Variants in VASH2 observed in about 807,000 individuals in gnomAD.
VASH2 encodes the protein tubulinyl-Tyr carboxypeptidase 2.
A neutral mutation model predicts 37.2 loss-of-function variants in VASH2; 28 were observed. That is an observed-to-expected ratio of 0.75 (90% confidence interval 0.56 to 1.03). The LOEUF is 1.03. Ranked by LOEUF, VASH2 falls within the 50% of genes least tolerant of loss-of-function variation. The pLI is 0.00. For synonymous variants in VASH2, 188 were observed against 174.7 expected (o/e 1.08, Z -0.60); for missense variants, 419 against 459.1 (o/e 0.91, Z 0.80).
chr1:212,951,396 A>AAAGGCACCCG lies in VASH2; in HGVS notation c.-147_-146insAAGGCACCCG. 2 of 288,928 alleles carry AAAGGCACCCG rather than the reference A, an allele frequency of 6.9e-6. No homozygotes were observed. The highest frequency in any genetic ancestry group is 1.0e-5 in the Non-Finnish European group (2 of 190,768). 17.9% of individuals were successfully genotyped at this position (288,928 alleles called of 1,614,324 possible). On this transcript the variant is annotated 5_prime_UTR_variant, in exon 2 of 8. Coordinates refer to ENST00000517399, the MANE Select transcript of VASH2 (RefSeq NM_001301056.2). This position sits in a 1 kb window ranked among gnomAD's most constrained non-coding sequence, Gnocchi z 4.4. Reference sequence around the variant, plus strand: ...CTCCCGCCGCCGCTCCCCCTTGGTGAGTCCTGCCGCAGCGAGAGGCATGGA... The same window carrying AAAGGCACCCG: ...CTCCCGCCGCCGCTCCCCCTTGGTGAAAGGCACCCGGTCCTGCCGCAGCGAGAGGCATGGA...
rs369702207 is a variant in VASH2, at chr1:212,972,867, T to C, written c.785T>C (p.Ile262Thr). 12 of 1,613,922 alleles carry C rather than the reference T, an allele frequency of 7.4e-6. No individual in the cohort carries two copies. Among genetic ancestry groups the C allele is most frequent in the Admixed American group, 1.7e-5 (1 of 59,984 alleles). Residue 262 changes from isoleucine (I) to threonine (T), a missense_variant, in exon 6 of 8, where the codon ATT becomes ACT. Transcript: ENST00000517399. ...CATGAGCCTCATAGCTTCCAGCCCATTGAGTGGAAGCAGCTGGTCCTCAAC... is the reference window on the plus strand; with the variant it reads ...CATGAGCCTCATAGCTTCCAGCCCACTGAGTGGAAGCAGCTGGTCCTCAAC... ...VPHEPHSFQP[I>T]EWKQLVLNVS...
chr1:212,979,521 G>C (rs1667277610), intron 7 of VASH2, among the ~76,000 whole-genome samples: 1 of 152,164 alleles, frequency 6.6e-6, no homozygotes, highest in South Asian at 2.1e-4. Context: ...TGTCTGCCAT[G>C]GATAATTTTA....
chr1:212,973,196 C>T (rs1030449271), intron 6 of VASH2, among the ~76,000 whole-genome samples: 42 of 152,166 alleles, frequency 2.8e-4, no homozygotes, highest in African/African-American at 9.9e-4. Context: ...AAGTGTTAGT[C>T]ATTTTATATT....
In VASH2 at chr1:212,951,622, C is replaced by T. The variant is rs1267022601; in HGVS notation, c.80C>T (p.Ala27Val). Reference sequence around the variant, plus strand: ...GGCACCCGGTCCCGGAGCAGCCACGCGCGGCCCGTGAGCCTCGCCACCAGC... The same window carrying T: ...GGCACCCGGTCCCGGAGCAGCCACGTGCGGCCCGTGAGCCTCGCCACCAGC... ...AKGTRSRSSH[A>V]RPVSLATSGG... The change falls in exon 2 of 8, where the codon GCG becomes GTG. Residue 27 changes from alanine (A) to valine (V), a missense_variant. Physicochemically the swap from Ala to Val is moderately conservative, Grantham distance 64. This residue lies in a region of VASH2 where 158 missense variants were observed against 163.0 expected (regional missense o/e 0.97). Coordinates refer to ENST00000517399, the MANE Select transcript of VASH2 (RefSeq NM_001301056.2). The surrounding 1 kb of genome is among the most constrained non-coding windows in gnomAD (Gnocchi z 4.4). 3 of 1,565,484 alleles carry T rather than the reference C, an allele frequency of 1.9e-6. No individual in the cohort carries two copies. Among genetic ancestry groups the T allele is most frequent in the Non-Finnish European group, 2.6e-6 (3 of 1,155,354 alleles).
In VASH2 at chr1:212,965,770, G is replaced by A. The variant is rs1043457858; in HGVS notation, c.414G>A (p.Pro138=). 10 of 1,551,902 alleles carry A rather than the reference G, an allele frequency of 6.4e-6. No individual in the cohort carries two copies. Among genetic ancestry groups the A allele is most frequent in the South Asian group, 4.8e-5 (4 of 84,054 alleles). ...TQFFEIRKMR[P]LSGLMETAKE... is the part of the protein sequence containing the mutation. ...TCTTTGAAATTAGGAAAATGAGACC[G>A]CTGAGTGGGTAAGTGGTGCATGATC... The change falls in exon 4 of 8, where the codon CCG becomes CCA. Residue 138 remains proline (P), a synonymous_variant. Transcript: ENST00000517399.
At chr1:212,953,238 G>GC (rs1553271307) in intron 2 of VASH2, among the ~76,000 whole-genome samples, 3 of 150,410 alleles carry the variant, frequency 2.0e-5, no homozygotes, top group Non-Finnish European at 2.9e-5. Flanking sequence ...CGCGGGGGGG[G>GC]GTGCATTCTC....
At chr1:212,964,054 C>T (rs777612168) in intron 3 of VASH2, among the ~76,000 whole-genome samples, 14 of 152,144 alleles carry the variant, frequency 9.2e-5, no homozygotes, top group Non-Finnish European at 1.9e-4. Context: ...TCTTAATGCC[C>T]AGGTCAGTAA....
At chr1:212,956,804 T>C (rs1666511302) in intron 2 of VASH2, among the ~76,000 whole-genome samples, 2 of 152,208 alleles carry the variant, frequency 1.3e-5, no homozygotes, top group Admixed American at 6.5e-5. Context: ...ATTTGGTTAT[T>C]ATTTGCTTTT....
chr1:212,961,000 T>C (rs1016469518), intron 2 of VASH2, among the ~76,000 whole-genome samples, 166 bp from the exon 3 acceptor site: 2 of 152,306 alleles, frequency 1.3e-5, no homozygotes, highest in African/African-American at 4.8e-5. Flanking sequence ...GGAGACCTCA[T>C]GGAGGAGGCA....
At chr1:212,958,546 A>C (rs111729797) in intron 2 of VASH2, among the ~76,000 whole-genome samples, 2,650 of 152,324 alleles carry the variant, frequency 0.017, 85 homozygotes, top group African/African-American at 0.06. Context: ...TTTGGTGGTC[A>C]GTCCTTCAGC....
intron 7 of VASH2, 31 bp from the exon 8 acceptor site, chr1:212,988,478 TCTC>T (rs1315317385): frequency 1.2e-6 from 2 of 1,609,906 alleles, no homozygotes; most frequent in Non-Finnish European, 1.7e-6. Flanking sequence ...CCCCATCCCC[TCTC>T]CTCCACCATA....
intron 3 of VASH2, among the ~76,000 whole-genome samples, chr1:212,965,148 T>TGACCTCAGGTGATCCACC (rs1666802188): frequency 6.6e-6 from 1 of 152,234 alleles, no homozygotes; most frequent in Non-Finnish European, 1.5e-5. Flanking sequence ...GTCGAACTCC[T>TGACCTCAGGTGATCCACC]GACCTCAGGT....
chr1:212,984,452 G>C (rs77501185), intron 7 of VASH2, among the ~76,000 whole-genome samples: 3,542 of 152,268 alleles, frequency 0.023, 137 homozygotes, highest in African/African-American at 0.08. Context: ...CCTGTAGGCT[G>C]TTCTGGCCAC....
chr1:212,953,230 C>T (rs866656045), intron 2 of VASH2, among the ~76,000 whole-genome samples: 11 of 125,676 alleles, frequency 8.8e-5, no homozygotes, highest in African/African-American at 2.6e-4. Context: ...TGCGGGTGCG[C>T]GGGGGGGGGT....
chr1:212,984,027 G>C (rs1343964682), intron 7 of VASH2, among the ~76,000 whole-genome samples: 3 of 152,174 alleles, frequency 2.0e-5, no homozygotes, highest in Non-Finnish European at 2.9e-5. Context: ...TTATGGTGAG[G>C]ATTAATTAAT....
intron 2 of VASH2, among the ~76,000 whole-genome samples, chr1:212,955,954 C>T (rs1666476426): frequency 2.0e-5 from 3 of 152,254 alleles, no homozygotes; most frequent in Admixed American, 2.0e-4. Flanking sequence ...TCATTCTGGG[C>T]TCATGGGTGC....
intron 7 of VASH2, among the ~76,000 whole-genome samples, chr1:212,987,189 T>G (rs1667504048): frequency 6.6e-6 from 1 of 152,188 alleles, no homozygotes; most frequent in Non-Finnish European, 1.5e-5. Context: ...GGAAAAACCA[T>G]TAGCTGTTAG....
intron 7 of VASH2, among the ~76,000 whole-genome samples, chr1:212,982,404 A>G (rs1667364759): frequency 6.6e-6 from 1 of 152,202 alleles, no homozygotes; most frequent in Non-Finnish European, 1.5e-5. Flanking sequence ...GGAGAAATAT[A>G]TTAGTCTAAA....
chr1:212,978,484 G>A (rs77149609), intron 7 of VASH2, among the ~76,000 whole-genome samples: 21 of 152,260 alleles, frequency 1.4e-4, no homozygotes, highest in East Asian at 1.2e-3. Flanking sequence ...CCCCAAAGTC[G>A]ATCCCAGCCC....
Sources: gnomAD v4.1 joint callset for allele counts (sites outside exome capture counted in the v4.1 genomes callset) on GRCh38, gnomAD v4.1.1 for gene constraint, gnomAD v4.1.1 regional missense constraint, Gnocchi (gnomAD v3.1) non-coding constraint, MANE v1.5 for transcripts, NCBI Gene and HGNC (gene_info 2026-07-23, HGNC 2026-07-21) for gene names.